The following RBFOX1 variants were observed in gnomAD, a reference collection of about 807,000 sequenced individuals.
RBFOX1 encodes the protein RNA binding fox-1 homolog 1.
Under a neutral mutation model 57.7 loss-of-function variants are expected in RBFOX1, and 8 were observed. That is an observed-to-expected ratio of 0.14 (90% CI 0.08 to 0.25). The LOEUF is 0.25. Among genes scored for constraint, RBFOX1 ranks in the 10% least tolerant of loss-of-function variants. The pLI, the probability that RBFOX1 is intolerant of heterozygous loss-of-function variation, is 1.00. For missense variants in RBFOX1, 611 were observed against 548.5 expected, an observed-to-expected ratio of 1.11 and a Z score of -1.14; for synonymous variants, 326 against 222.4, an observed-to-expected ratio of 1.47 and a Z score of -4.15.
chr16:7,150,024 C>G (rs992763321), intron 4 of RBFOX1, among the ~76,000 whole-genome samples: 2 of 152,154 alleles, frequency 1.3e-5, no homozygotes, highest in Non-Finnish European at 2.9e-5. Flanking sequence ...TCTGACTCAA[C>G]AGAGATTACA....
intron 2 of RBFOX1, among the ~76,000 whole-genome samples, chr16:6,516,895 C>T (rs958941638): frequency 5.3e-5 from 8 of 152,126 alleles, no homozygotes; most frequent in African/African-American, 1.7e-4. Flanking sequence ...AAAAGAGCCC[C>T]AGTCTTGGCA....
intron 3 of RBFOX1, among the ~76,000 whole-genome samples, chr16:7,042,002 C>T (rs2046335063): frequency 1.3e-5 from 2 of 152,110 alleles, no homozygotes; most frequent in South Asian, 2.1e-4. Context: ...GACTGGACTT[C>T]CTTAGTCTGA....
chr16:6,643,563 G>C (rs1481693628), intron 2 of RBFOX1, among the ~76,000 whole-genome samples: 1 of 152,016 alleles, frequency 6.6e-6, no homozygotes, highest in Non-Finnish European at 1.5e-5. Context: ...GAACACCCTC[G>C]TTATCTTTAA....
intron 4 of RBFOX1, among the ~76,000 whole-genome samples, chr16:5,941,340 G>C (rs961459044): frequency 9.9e-5 from 15 of 151,338 alleles, no homozygotes; most frequent in Admixed American, 4.6e-4. Flanking sequence ...TTTTTTTTAA[G>C]TTAGCTGGGC....
At chr16:6,723,528 A>C (rs951725510) in intron 3 of RBFOX1, among the ~76,000 whole-genome samples, 2 of 152,202 alleles carry the variant, frequency 1.3e-5, no homozygotes, top group African/African-American at 4.8e-5. Context: ...TATGTGCATA[A>C]CATTTCTGGA....
At chr16:6,316,951 A>G in intron 1 of RBFOX1, 44 bp from the exon 2 acceptor site, 2 of 1,504,202 alleles carry the variant, frequency 1.3e-6, no homozygotes, top group Non-Finnish European at 1.8e-6. Flanking sequence ...AAATTCAAGA[A>G]TACATTTCTT....
At chr16:7,656,384 G>C (rs1321136656) in intron 12 of RBFOX1, among the ~76,000 whole-genome samples, 1 of 152,010 alleles carries the variant, frequency 6.6e-6, no homozygotes, top group Non-Finnish European at 1.5e-5. Flanking sequence ...AGATGGCAAG[G>C]GGATGGCTCC....
chr16:6,776,579 A>G (rs755424575), intron 3 of RBFOX1, among the ~76,000 whole-genome samples: 1 of 152,120 alleles, frequency 6.6e-6, no homozygotes, highest in Admixed American at 6.5e-5. Context: ...TGTTTGTTGG[A>G]TGATTTGGAC....
intron 4 of RBFOX1, among the ~76,000 whole-genome samples, chr16:7,492,387 C>G (rs922220453): frequency 3.9e-5 from 6 of 152,208 alleles, no homozygotes; most frequent in African/African-American, 1.4e-4. Context: ...GACTATGTGA[C>G]AAGGGATCAG....
chr16:5,481,590 C>G (rs766577949), intron 2 of RBFOX1, among the ~76,000 whole-genome samples: 2 of 152,160 alleles, frequency 1.3e-5, no homozygotes, highest in African/African-American at 2.4e-5. Context: ...TTGATCATGG[C>G]TATTTGTCCT....
rs1486510075 is a variant in RBFOX1 at position 6,974,376 on chromosome 16, G to C, written c.-15-77681G>C. Among the ~76,000 whole-genome samples the C allele has an allele frequency of 4.6e-5, 3 of 64,580 alleles. No homozygotes were observed. In the Admixed American group the frequency reaches 7.4e-4, roughly 16 times the overall value. 42.4% of individuals were successfully genotyped at this position (64,580 alleles called of 152,430 possible). A position where few individuals can be genotyped will look rare whatever the true frequency, so the allele number is the denominator to read the frequency against. On this transcript the variant is annotated intron_variant, in intron 3 of 15. Transcript: ENST00000550418. ...TTTTTTTTTTTTGCGATAGAGTCTT[G>C]CTTTGTTGCCCAGGCTGGAGTGCAA...
At chr16:5,433,789 C>T (rs1107095) in intron 1 of RBFOX1, among the ~76,000 whole-genome samples, 73,032 of 151,842 alleles carry the variant, frequency 0.48, 18,309 homozygotes, top group East Asian at 0.67. Context: ...TCTTGTTCAC[C>T]GCTGCTTCCC....
chr16:6,673,599 A>G (rs2098781673), intron 3 of RBFOX1, among the ~76,000 whole-genome samples: 1 of 152,116 alleles, frequency 6.6e-6, no homozygotes. Flanking sequence ...GCGAGACTCC[A>G]TGTCAAAAAA....
intron 1 of RBFOX1, among the ~76,000 whole-genome samples, chr16:5,294,248 C>T (rs1398905372): frequency 6.6e-6 from 1 of 151,980 alleles, no homozygotes; most frequent in African/African-American, 2.4e-5. Context: ...AAACAAGAAA[C>T]ACACACACAA....
intron 4 of RBFOX1, among the ~76,000 whole-genome samples, chr16:5,942,591 A>G (rs7189337): frequency 0.62 from 94,022 of 152,026 alleles, 29,269 homozygotes; most frequent in Middle Eastern, 0.69. Context: ...AGTCCCTTTC[A>G]TGATCCTAAA....
intron 3 of RBFOX1, among the ~76,000 whole-genome samples, chr16:6,908,828 C>T (rs1486769360): frequency 6.6e-6 from 1 of 152,078 alleles, no homozygotes; most frequent in Non-Finnish European, 1.5e-5. Flanking sequence ...TGAGGTTGTG[C>T]CAGCCTCACA....
At chr16:7,025,687 C>T (rs377698829) in intron 3 of RBFOX1, among the ~76,000 whole-genome samples, 1 of 152,140 alleles carries the variant, frequency 6.6e-6, no homozygotes, top group Admixed American at 6.5e-5. Flanking sequence ...AAGGCCTGGC[C>T]TGGCCTCTGG....
chr16:6,628,082 C>G (rs749281040), intron 2 of RBFOX1, among the ~76,000 whole-genome samples: 6 of 152,194 alleles, frequency 3.9e-5, no homozygotes, highest in Non-Finnish European at 5.9e-5. Flanking sequence ...GCCAGGCTCC[C>G]TTCTCTGTTC....
intron 4 of RBFOX1, among the ~76,000 whole-genome samples, chr16:5,999,892 AAAAAAAAAAAAAAAAGAG>A (rs1567239091): frequency 8.7e-5 from 7 of 80,576 alleles, no homozygotes; most frequent in East Asian, 6.2e-4. Flanking sequence ...AAAAAAAAAA[AAAAAAAAAAAAAAAAGAG>A]TGAAGAAGGG....
Sources: allele counts gnomAD v4.1 joint callset (sites outside exome capture counted in the v4.1 genomes callset), GRCh38; gene constraint gnomAD v4.1.1; transcripts MANE v1.5; gene names NCBI Gene and HGNC (gene_info 2026-07-23, HGNC 2026-07-21).